Variants in SYNJ2 observed in about 807,000 individuals in gnomAD.
SYNJ2 encodes synaptojanin 2.
A neutral mutation model predicts 141.3 loss-of-function variants in SYNJ2; 116 were observed. The ratio of observed to expected loss-of-function variants is 0.82; its 90% CI spans 0.71 to 0.96. SYNJ2 has a LOEUF of 0.96. Among genes scored for constraint, SYNJ2 ranks in the 40% least tolerant of loss-of-function variants. The pLI, the probability that SYNJ2 is intolerant of heterozygous loss-of-function variation, is 0.00. For synonymous variants in SYNJ2, 745 were observed against 777.7 expected (o/e 0.96, Z 0.70); for missense variants, 1,873 against 1,934.8 (o/e 0.97, Z 0.60).
At chr6:157,994,295 G>A (rs1234966820) in intron 1 of SYNJ2, among the ~76,000 whole-genome samples, 1 of 152,250 alleles carries the variant, frequency 6.6e-6, no homozygotes, top group African/African-American at 2.4e-5. Context: ...CTGAGGTCAG[G>A]TGGAGCCAGC....
chr6:158,036,813 A>C (rs1026879604), intron 4 of SYNJ2, among the ~76,000 whole-genome samples: 1 of 152,242 alleles, frequency 6.6e-6, no homozygotes, highest in East Asian at 1.9e-4. Flanking sequence ...AAAAGGGGAC[A>C]GAGAGAGAAG....
rs542268203 is a variant in SYNJ2, at chr6:158,035,773, G to C, written c.711+2093G>C. ...TTGCCCATTCAGTATGGTGTTGGCT[G>C]TGGGTTTGTCATAAATGGCTCTTAT... On this transcript the variant is annotated intron_variant, in intron 4 of 26. Coordinates refer to ENST00000355585, the MANE Select transcript of SYNJ2 (RefSeq NM_003898.4). 1.5e-4 allele frequency among the ~76,000 whole-genome samples: 23 copies of C among 152,248 alleles called. No homozygotes were observed. The South Asian group carries it at 4.8e-3, about 32-fold the overall frequency.
intron 1 of SYNJ2, among the ~76,000 whole-genome samples, chr6:157,987,798 G>A (rs56410708): frequency 0.049 from 7,431 of 152,306 alleles, 468 homozygotes; most frequent in East Asian, 0.25. Flanking sequence ...ATGCAAGTTC[G>A]AAATTTACTT....
chr6:158,069,771 A>G, intron 14 of SYNJ2, 98 bp downstream of exon 14: 1 of 1,404,606 alleles, frequency 7.1e-7, no homozygotes, highest in Non-Finnish European at 9.5e-7. Context: ...CCCCTTCTGT[A>G]ACAGGAATCG....
At chr6:158,049,997 T>C (rs1345284597) in intron 5 of SYNJ2, among the ~76,000 whole-genome samples, 1 of 152,056 alleles carries the variant, frequency 6.6e-6, no homozygotes, top group East Asian at 1.9e-4. Flanking sequence ...TGCACCCGGC[T>C]CTGCAGGTAT....
intron 6 of SYNJ2, among the ~76,000 whole-genome samples, chr6:158,056,737 G>A (rs1003007230): frequency 7.9e-5 from 12 of 152,198 alleles, no homozygotes; most frequent in Non-Finnish European, 1.5e-4. Flanking sequence ...CTCAAGAGTC[G>A]TGCGGTTCTC....
rs1392135614 is a variant in SYNJ2, at chr6:158,027,354, C to T, written c.215-1402C>T. On this transcript the variant is annotated intron_variant, in intron 2 of 26. Coordinates refer to ENST00000355585, the MANE Select transcript of SYNJ2 (RefSeq NM_003898.4). This position sits in a 1 kb window ranked among gnomAD's most constrained non-coding sequence, Gnocchi z 4.6. ...GGAAGAGTGTCCTTGGGACTAGAGC[C>T]CTGCCAGACCCCAAAGGCCGGTTTC... 2.9e-6 allele frequency: 1 copy of T among 342,882 alleles called. No homozygotes were observed. The highest frequency in any genetic ancestry group is 4.1e-6 in the Non-Finnish European group (1 of 242,568). The allele number at this position is 342,882 out of a possible 1,614,324, so 21.2% of individuals were successfully genotyped here. A position where few individuals can be genotyped will look rare whatever the true frequency, so the allele number is the denominator to read the frequency against.
intron 1 of SYNJ2, among the ~76,000 whole-genome samples, chr6:157,984,277 A>C (rs6455937): frequency 0.41 from 62,343 of 152,194 alleles, 13,406 homozygotes; most frequent in African/African-American, 0.51. Flanking sequence ...AAAGTTGTTT[A>C]AAACTTTCAA....
intron 6 of SYNJ2, among the ~76,000 whole-genome samples, chr6:158,056,677 G>A (rs1317647789): frequency 6.6e-6 from 1 of 152,220 alleles, no homozygotes. Context: ...ACTGGCATGT[G>A]CATTGTCCTG....
At chr6:158,021,925 G>T (rs541807261) in intron 2 of SYNJ2, among the ~76,000 whole-genome samples, 1 of 152,170 alleles carries the variant, frequency 6.6e-6, no homozygotes, top group African/African-American at 2.4e-5. Context: ...GTAAATTCAC[G>T]GGCCAGGGCT....
rs183200784 is a variant in SYNJ2, at chr6:157,998,023, G to A, written c.127+15935G>A. Reference sequence around the variant, plus strand: ...GGTTGATCAGTGCAGTGCCTAAGAGGCCCCTGCTCTATTCAACTGGATATT... The same window carrying A: ...GGTTGATCAGTGCAGTGCCTAAGAGACCCCTGCTCTATTCAACTGGATATT... On this transcript the variant is annotated intron_variant, in intron 1 of 26. Coordinates refer to ENST00000355585, the MANE Select transcript of SYNJ2 (RefSeq NM_003898.4). 2.6e-3 allele frequency among the ~76,000 whole-genome samples: 394 copies of A among 152,344 alleles called. 1 individual carries two copies. The highest frequency in any genetic ancestry group is 9.0e-3 in the African/African-American group (376 of 41,584).
In SYNJ2 at chr6:158,066,355, G is replaced by A. The variant is rs998496584; in HGVS notation, c.1526-89G>A. 4 of 1,465,852 alleles carry A rather than the reference G, an allele frequency of 2.7e-6. No homozygotes were observed. In the African/African-American group the frequency reaches 4.2e-5, roughly 15 times the overall value. 90.8% of individuals were successfully genotyped at this position (1,465,852 alleles called of 1,614,324 possible). A position where few individuals can be genotyped will look rare whatever the true frequency, so the allele number is the denominator to read the frequency against. ...ATCTCTAGAGGCTCATGAACCATCT[G>A]TCTCTGCCAGGCAGCCTCATCTGTC... is the stretch of plus-strand genomic sequence containing the variant. On this transcript the variant is annotated intron_variant, in intron 11 of 26. Coordinates refer to ENST00000355585, the MANE Select transcript of SYNJ2 (RefSeq NM_003898.4).
At chr6:158,055,113 C>T (rs147075059) in intron 6 of SYNJ2, 85 bp downstream of exon 6, 49 of 1,460,126 alleles carry the variant, frequency 3.4e-5, no homozygotes, top group South Asian at 3.1e-4. Flanking sequence ...GAGGGTGCGA[C>T]GGGAAAGGGA....
chr6:158,037,504 C>T (rs1265682678), intron 4 of SYNJ2, among the ~76,000 whole-genome samples: 6 of 151,198 alleles, frequency 4.0e-5, no homozygotes, highest in Admixed American at 6.6e-5. Context: ...CGGGTTCACA[C>T]CATTCTCCTG....
chr6:158,054,286 C>T (rs1161704597), intron 5 of SYNJ2, among the ~76,000 whole-genome samples: 1 of 146,502 alleles, frequency 6.8e-6, no homozygotes, highest in Non-Finnish European at 1.5e-5. Context: ...CCCAGCTATT[C>T]ATCCATCCAT....
chr6:157,991,514 TGG>T (rs200719436), intron 1 of SYNJ2, among the ~76,000 whole-genome samples: 2 of 152,080 alleles, frequency 1.3e-5, no homozygotes, highest in East Asian at 3.8e-4. Context: ...TTCTTTCCAG[TGG>T]GGGAATTTAG....
intron 20 of SYNJ2, among the ~76,000 whole-genome samples, chr6:158,082,169 A>T (rs979776477): frequency 3.3e-5 from 5 of 152,212 alleles, no homozygotes; most frequent in Non-Finnish European, 5.9e-5. Flanking sequence ...CAACATGGCG[A>T]AATCCTGTCT....
chr6:158,096,195 C>T lies in SYNJ2; in HGVS notation c.4322C>T (p.Thr1441Ile). The stretch of plus-strand genomic sequence containing the variant: ...AGCTCAGACCCTTTGGACTCAGGAA[C>T]CAGGAGCCCCAAAAGAGATCCCATA... ...SKSSDPLDSG[T>I]RSPKRDPIDP... Residue 1441 changes from threonine (T) to isoleucine (I), a missense_variant, in exon 27 of 27, where the codon ACC becomes ATC. By Grantham distance (89) the Thr-to-Ile change is moderately conservative (BLOSUM62 -1). Transcript: ENST00000355585. The T allele has an allele frequency of 1.9e-6, 3 of 1,614,252 alleles. No individual in the cohort carries two copies. The highest frequency in any genetic ancestry group is 1.7e-6 in the Non-Finnish European group (2 of 1,180,046).
intron 1 of SYNJ2, among the ~76,000 whole-genome samples, chr6:157,998,934 T>TG (rs1777733314): frequency 6.6e-6 from 1 of 152,092 alleles, no homozygotes; most frequent in South Asian, 2.1e-4. Flanking sequence ...AATGATAGAT[T>TG]TGACTACATA....
Sources: allele counts gnomAD v4.1 joint callset (sites outside exome capture counted in the v4.1 genomes callset), GRCh38; gene constraint gnomAD v4.1.1; non-coding constraint Gnocchi (gnomAD v3.1); transcripts MANE v1.5; gene names NCBI Gene and HGNC (gene_info 2026-07-23, HGNC 2026-07-21).